GRIK4: variants seen among roughly 807,000 people sequenced by gnomAD.
GRIK4 encodes glutamate receptor ionotropic, kainate 4.
GRIK4 carries 40 observed loss-of-function variants against 104.9 expected under a neutral mutation model. The ratio of observed to expected loss-of-function variants is 0.38; its 90% CI spans 0.30 to 0.50. GRIK4 has a LOEUF of 0.50. Among genes scored for constraint, GRIK4 ranks in the 20% least tolerant of loss-of-function variants. The pLI is 0.93. For synonymous variants in GRIK4, 485 were observed against 524.9 expected (o/e 0.92, Z 1.04); for missense variants, 1,047 against 1,308.1 (o/e 0.80, Z 3.08).
chr11:120,816,456 A>G (rs1047332681), intron 5 of GRIK4, among the ~76,000 whole-genome samples: 8 of 152,124 alleles, frequency 5.3e-5, no homozygotes, highest in African/African-American at 1.4e-4. Flanking sequence ...CTTCTGCCCT[A>G]GAGGCCTGGA....
At chr11:120,933,693 T>G (rs1336583567) in intron 13 of GRIK4, among the ~76,000 whole-genome samples, 2 of 152,164 alleles carry the variant, frequency 1.3e-5, no homozygotes, top group Non-Finnish European at 2.9e-5. Context: ...ACAACCATCA[T>G]CTCTTTTGAC....
chr11:120,663,150 G>A (rs1170163337), intron 3 of GRIK4, among the ~76,000 whole-genome samples: 1 of 152,202 alleles, frequency 6.6e-6, no homozygotes, highest in Non-Finnish European at 1.5e-5. Flanking sequence ...GGTCCTCTGA[G>A]TGATAACTGT....
At chr11:120,854,238 A>G (rs1252147560) in intron 8 of GRIK4, among the ~76,000 whole-genome samples, 1 of 152,224 alleles carries the variant, frequency 6.6e-6, no homozygotes, top group Admixed American at 6.5e-5. Context: ...AGGGCTGAGC[A>G]TGGAGCAGAG....
intron 1 of GRIK4, among the ~76,000 whole-genome samples, chr11:120,562,465 T>C (rs1480998775): frequency 6.6e-6 from 1 of 152,114 alleles, no homozygotes; most frequent in Admixed American, 6.5e-5. Context: ...GAGGAGGTGA[T>C]GCCTGAGCTG....
chr11:120,765,608 G>C (rs1452411574), intron 3 of GRIK4, among the ~76,000 whole-genome samples: 1 of 152,058 alleles, frequency 6.6e-6, no homozygotes, highest in Non-Finnish European at 1.5e-5. Flanking sequence ...ATCTACCTTT[G>C]GTCTTTGCTG....
At chr11:120,646,732 C>G (rs911143009) in intron 1 of GRIK4, among the ~76,000 whole-genome samples, 1 of 152,064 alleles carries the variant, frequency 6.6e-6, no homozygotes, top group Non-Finnish European at 1.5e-5. Flanking sequence ...TCAGACATAT[C>G]CTAGAACATA....
intron 8 of GRIK4, among the ~76,000 whole-genome samples, chr11:120,859,845 C>T (rs1954214148): frequency 6.6e-6 from 1 of 152,212 alleles, no homozygotes; most frequent in African/African-American, 2.4e-5. Flanking sequence ...TACACTTAAA[C>T]CTTATCCAAA....
chr11:120,833,354 T>C (rs4936557), intron 7 of GRIK4, among the ~76,000 whole-genome samples: 49,627 of 152,004 alleles, frequency 0.33, 8,938 homozygotes, highest in East Asian at 0.48. Flanking sequence ...TTTCCTCTGT[T>C]TTCTCTTATG....
chr11:120,678,321 G>A (rs1024724565), intron 3 of GRIK4, among the ~76,000 whole-genome samples: 16 of 152,218 alleles, frequency 1.1e-4, no homozygotes, highest in African/African-American at 2.2e-4. Context: ...TAAAGGCACC[G>A]TTAGGTTAAA....
intron 4 of GRIK4, among the ~76,000 whole-genome samples, chr11:120,807,080 T>C (rs948035): frequency 2.0e-5 from 3 of 151,980 alleles, no homozygotes; most frequent in Admixed American, 2.0e-4. Context: ...TTCCAACTCC[T>C]TCTACACAGC....
At chr11:120,644,111 T>C (rs1374927793) in intron 1 of GRIK4, among the ~76,000 whole-genome samples, 3 of 152,044 alleles carry the variant, frequency 2.0e-5, no homozygotes, top group Admixed American at 2.0e-4. Context: ...TCTGTGTATG[T>C]GTGTACAGTT....
At chr11:120,820,659 G>C (rs1953098285) in intron 6 of GRIK4, among the ~76,000 whole-genome samples, 1 of 152,204 alleles carries the variant, frequency 6.6e-6, no homozygotes, top group African/African-American at 2.4e-5. Flanking sequence ...CCAGGCACCT[G>C]TGTCCTGCGC....
intron 20 of GRIK4, among the ~76,000 whole-genome samples, chr11:120,983,486 G>A (rs1318943906): frequency 6.6e-6 from 1 of 152,162 alleles, no homozygotes; most frequent in African/African-American, 2.4e-5. Context: ...ACTTTGGTGT[G>A]TCCCTTGATG....
At position 120,956,864 on chromosome 11, in the gene GRIK4, C is replaced by T. The variant is rs750004037; in HGVS notation, c.1785C>T (p.Asn595=). 18 of 1,613,874 alleles carry T rather than the reference C, an allele frequency of 1.1e-5. No homozygotes were observed. Among genetic ancestry groups the T allele is most frequent in the Non-Finnish European group, 1.5e-5 (18 of 1,179,946 alleles). ...TGGTGAACCAGTACTCCCTGGGCAA[C>T]AGCCTCTGGTTTCCGGTCGGGGGGT... ...NLLVNQYSLG[N]SLWFPVGGFM... is the part of the protein sequence containing the mutation. Residue 595 remains asparagine (N), a synonymous_variant, in exon 16 of 21, where the codon AAC becomes AAT. Coordinates refer to ENST00000527524, the MANE Select transcript of GRIK4 (RefSeq NM_014619.5). This position sits in a 1 kb window ranked among gnomAD's most constrained non-coding sequence, Gnocchi z 4.6.
chr11:120,916,549 A>G (rs1465141849), intron 13 of GRIK4, among the ~76,000 whole-genome samples: 3 of 152,194 alleles, frequency 2.0e-5, no homozygotes, highest in Admixed American at 1.3e-4. Context: ...AGGTAATACT[A>G]GGAATCTCTA....
intron 1 of GRIK4, among the ~76,000 whole-genome samples, chr11:120,523,442 C>T (rs1477488861): frequency 6.6e-6 from 1 of 152,002 alleles, no homozygotes; most frequent in Admixed American, 6.6e-5. Context: ...ATGTCAAGAG[C>T]TTGACCCTGG....
intron 13 of GRIK4, among the ~76,000 whole-genome samples, chr11:120,927,904 A>G (rs1350139908): frequency 1.3e-5 from 2 of 152,094 alleles, no homozygotes; most frequent in Non-Finnish European, 2.9e-5. Context: ...AAAGAGGTCC[A>G]TGGCATAAAA....
At chr11:120,799,846 T>G (rs1952589808) in intron 3 of GRIK4, among the ~76,000 whole-genome samples, 1 of 152,176 alleles carries the variant, frequency 6.6e-6, no homozygotes, top group South Asian at 2.1e-4. Flanking sequence ...AATTTTTTCC[T>G]ATTTTATATA....
Position 120,898,377 on chromosome 11 carries a change from A to G in GRIK4, c.1165-155A>G, listed in dbSNP as rs1209173176. ...TTTCCCTCAGCCCCCCAACCCTGGGAAACAGTCTCCCTTCTGCAGTTCAGC... is the reference window on the plus strand; with the variant it reads ...TTTCCCTCAGCCCCCCAACCCTGGGGAACAGTCTCCCTTCTGCAGTTCAGC... On this transcript the variant is annotated intron_variant, in intron 11 of 20. Coordinates refer to ENST00000527524, the MANE Select transcript of GRIK4 (RefSeq NM_014619.5). Among the ~76,000 whole-genome samples the G allele has an allele frequency of 6.8e-5, 10 of 146,206 alleles. No homozygotes were observed. The South Asian group carries it at 7.0e-4, about 10-fold the overall frequency.
Sources: gnomAD v4.1 joint callset for allele counts (sites outside exome capture counted in the v4.1 genomes callset) on GRCh38, gnomAD v4.1.1 for gene constraint, Gnocchi (gnomAD v3.1) non-coding constraint, MANE v1.5 for transcripts, NCBI Gene and HGNC (gene_info 2026-07-23, HGNC 2026-07-21) for gene names.